Variants in PCDHA6 observed in about 807,000 individuals in gnomAD.
PCDHA6 encodes the protein protocadherin alpha-6.
A neutral mutation model predicts 60.3 loss-of-function variants in PCDHA6; 55 were observed. The observed-to-expected ratio is 0.91, with a 90% CI of 0.73 to 1.14. The LOEUF (loss-of-function observed/expected upper bound fraction) is 1.14, where lower values mean the gene tolerates loss of function less well. PCDHA6 is among the 50% of genes most tolerant of loss of function. The pLI is 0.00. For synonymous variants in PCDHA6, 652 were observed against 557.9 expected, an observed-to-expected ratio of 1.17 and a Z score of -2.38; for missense variants, 1,327 against 1,256.5, an observed-to-expected ratio of 1.06 and a Z score of -0.85.
chr5:140,941,175 C>G (rs1344326389), intron 1 of PCDHA6, among the ~76,000 whole-genome samples: 1 of 145,416 alleles, frequency 6.9e-6, no homozygotes, highest in Admixed American at 6.8e-5. Flanking sequence ...CCATCTTGAA[C>G]ATCCTGCTTC....
intron 1 of PCDHA6, chr5:140,930,379 G>A (rs1249793792): frequency 1.3e-5 from 2 of 151,896 alleles, no homozygotes; most frequent in African/African-American, 2.4e-5. Context: ...GTGGCCCTTG[G>A]CATTTCAAAA....
At position 140,851,036 on chromosome 5, in the gene PCDHA6, T is replaced by A; in HGVS notation, c.2394+20551T>A. On this transcript the variant is annotated intron_variant, in intron 1 of 3. Coordinates refer to ENST00000529310, the MANE Select transcript of PCDHA6 (RefSeq NM_018909.4). ...TTCTGATAAAGTAAACCCCTTAACA[T>A]TGGAGCCGACTTTGTCTTGACTTCT... 2 of 1,401,900 alleles carry A rather than the reference T, an allele frequency of 1.4e-6. 1 individual carries two copies. The highest frequency in any genetic ancestry group is 1.9e-6 in the Non-Finnish European group (2 of 1,068,406). The allele number at this position is 1,401,900 out of a possible 1,614,324, so 86.8% of individuals were successfully genotyped here.
chr5:140,981,582 A>C (rs2096939117), intron 2 of PCDHA6, among the ~76,000 whole-genome samples: 1 of 152,182 alleles, frequency 6.6e-6, no homozygotes, highest in African/African-American at 2.4e-5. Flanking sequence ...TCAAAAATAA[A>C]TAAAATAAAA....
At chr5:140,993,031 C>T (rs186292405) in intron 3 of PCDHA6, among the ~76,000 whole-genome samples, 19 of 152,274 alleles carry the variant, frequency 1.2e-4, no homozygotes, top group Non-Finnish European at 1.8e-4. Context: ...CTGTGGGCTC[C>T]GTGTGTCATC....
chr5:140,844,090 A>G (rs1779217749), intron 1 of PCDHA6, among the ~76,000 whole-genome samples: 1 of 149,658 alleles, frequency 6.7e-6, no homozygotes. Context: ...CTGAACTCTT[A>G]ATCTTACTCC....
At chr5:140,961,690 C>T (rs573918307) in intron 1 of PCDHA6, among the ~76,000 whole-genome samples, 2 of 152,154 alleles carry the variant, frequency 1.3e-5, no homozygotes, top group African/African-American at 4.8e-5. Context: ...CGGAGTAGTC[C>T]TTAGTATGAA....
At chr5:140,913,970 T>C (rs2076541614) in intron 1 of PCDHA6, among the ~76,000 whole-genome samples, 1 of 152,144 alleles carries the variant, frequency 6.6e-6, no homozygotes. Context: ...TAAAAAAATA[T>C]TTTAGGACTT....
At position 140,927,139 on chromosome 5, in the gene PCDHA6, C is replaced by G. The variant is rs782726149; in HGVS notation, c.2395-51810C>G. 6 of 1,613,928 alleles carry G rather than the reference C, an allele frequency of 3.7e-6. No homozygotes were observed. The Admixed American group carries it at 5.0e-5, about 13-fold the overall frequency. On this transcript the variant is annotated intron_variant, in intron 1 of 3. Coordinates refer to ENST00000529310, the MANE Select transcript of PCDHA6 (RefSeq NM_018909.4). Reference sequence around the variant, plus strand: ...TTTGGTGGTCAGAGAGCCGGCGGACCGCGAACAGCTGTGCAGGGCCAAAGC... The same window carrying G: ...TTTGGTGGTCAGAGAGCCGGCGGACGGCGAACAGCTGTGCAGGGCCAAAGC...
intron 1 of PCDHA6, among the ~76,000 whole-genome samples, chr5:140,976,072 T>C (rs1193049661): frequency 6.6e-6 from 1 of 152,250 alleles, no homozygotes; most frequent in South Asian, 2.1e-4. Context: ...TGTCTTACTG[T>C]GTCAGATATA....
At chr5:140,852,952 C>A in intron 1 of PCDHA6, 1 of 475,904 alleles carries the variant, frequency 2.1e-6, no homozygotes, top group Non-Finnish European at 2.8e-6. Context: ...CATCTTGGCT[C>A]ACTCCAAGCT....
At chr5:141,006,415 G>C (rs185861703) in intron 3 of PCDHA6, among the ~76,000 whole-genome samples, 2 of 152,146 alleles carry the variant, frequency 1.3e-5, no homozygotes, top group African/African-American at 2.4e-5. Flanking sequence ...CGGTTTCACT[G>C]TGTTAGCCAG....
At chr5:140,878,571 A>G (rs531090803) in intron 1 of PCDHA6, among the ~76,000 whole-genome samples, 48 of 152,346 alleles carry the variant, frequency 3.2e-4, no homozygotes, top group African/African-American at 1.1e-3. Context: ...ATCATAGTAT[A>G]CCACTGCCCT....
At chr5:140,836,173 T>C in intron 1 of PCDHA6, 2 of 1,613,820 alleles carry the variant, frequency 1.2e-6, no homozygotes, top group Non-Finnish European at 1.7e-6. Flanking sequence ...GTACGTGCAG[T>C]TGACGCTGAC....
chr5:140,857,220 A>C (rs1554149674), intron 1 of PCDHA6: 1 of 1,598,480 alleles, frequency 6.3e-7, no homozygotes, highest in Admixed American at 1.7e-5. Flanking sequence ...CTGACGCCTC[A>C]CGTTCCGTTC....
At chr5:140,882,551 C>A in intron 1 of PCDHA6, 1 of 1,614,216 alleles carries the variant, frequency 6.2e-7, no homozygotes, top group Non-Finnish European at 8.5e-7. Flanking sequence ...CCGCGAGGAG[C>A]TGTGTGGGCG....
intron 1 of PCDHA6, among the ~76,000 whole-genome samples, chr5:140,906,351 C>A (rs966982758): frequency 3.9e-5 from 6 of 152,128 alleles, no homozygotes; most frequent in Non-Finnish European, 5.9e-5. Context: ...CAAGAATGCA[C>A]CAATTCCCAA....
chr5:140,941,169 C>T (rs1283079666), intron 1 of PCDHA6, among the ~76,000 whole-genome samples: 1 of 145,950 alleles, frequency 6.9e-6, no homozygotes, highest in Admixed American at 6.9e-5. Flanking sequence ...GACTCCCCAT[C>T]TTGAACATCC....
intron 1 of PCDHA6, among the ~76,000 whole-genome samples, chr5:140,890,337 A>G (rs1256335004): frequency 3.3e-5 from 5 of 152,192 alleles, no homozygotes; most frequent in African/African-American, 1.2e-4. Flanking sequence ...GGTAGTTGGG[A>G]TGGTTTACTA....
intron 1 of PCDHA6, chr5:140,852,529 G>T: frequency 2.4e-6 from 1 of 416,580 alleles, no homozygotes. Context: ...TCCCACCTCG[G>T]CCTCCCAAAG....
Sources: gnomAD v4.1 joint callset for allele counts (sites outside exome capture counted in the v4.1 genomes callset) on GRCh38, gnomAD v4.1.1 for gene constraint, MANE v1.5 for transcripts, NCBI Gene and HGNC (gene_info 2026-07-23, HGNC 2026-07-21) for gene names.